The following RBFOX1 variants were observed in gnomAD, a reference collection of about 807,000 sequenced individuals.
RBFOX1 encodes the protein RNA binding fox-1 homolog 1.
RBFOX1 carries 8 observed loss-of-function variants against 57.7 expected under a neutral mutation model. That is an observed-to-expected ratio of 0.14 (90% CI 0.08 to 0.25). The LOEUF (loss-of-function observed/expected upper bound fraction) is 0.25. Among genes scored for constraint, RBFOX1 ranks in the 10% least tolerant of loss-of-function variants. The pLI is 1.00. For missense variants in RBFOX1, 611 were observed against 548.5 expected (o/e 1.11, Z -1.14); for synonymous variants, 326 against 222.4 (o/e 1.47, Z -4.15).
At position 6,195,727 on chromosome 16, in the gene RBFOX1, GA is replaced by G. The variant is rs79692676; in HGVS notation, c.-126-121255del. Among the ~76,000 whole-genome samples, 893 of 124,342 alleles carry G rather than the reference GA, an allele frequency of 7.2e-3. 6 individuals carry two copies. Among genetic ancestry groups the G allele is most frequent in the African/African-American group, 0.02 (690 of 34,292 alleles). The allele number at this position is 124,342 out of a possible 152,430, so 81.6% of individuals were successfully genotyped here. A position where few individuals can be genotyped will look rare whatever the true frequency, so the allele number is the denominator to read the frequency against. On this transcript the variant is annotated intron_variant, in intron 1 of 15. Coordinates refer to ENST00000550418, the MANE Select transcript of RBFOX1 (RefSeq NM_018723.4). ...AGGGAGAAACTCTGTCTTTAAAAAA[GA>G]AAAAAAAAAAAAGGTTTGTAGAATG...
At chr16:6,698,184 A>C (rs933554976) in intron 3 of RBFOX1, among the ~76,000 whole-genome samples, 3 of 152,180 alleles carry the variant, frequency 2.0e-5, no homozygotes, top group African/African-American at 7.2e-5. Flanking sequence ...TTAAAATTTT[A>C]CTTTCCCTCG....
intron 4 of RBFOX1, among the ~76,000 whole-genome samples, chr16:7,266,518 C>G (rs937179331): frequency 6.6e-6 from 1 of 152,166 alleles, no homozygotes; most frequent in Non-Finnish European, 1.5e-5. Flanking sequence ...TTCTTTACAG[C>G]AATGCAAGAA....
chr16:7,101,598 G>C (rs1406177931), intron 4 of RBFOX1, among the ~76,000 whole-genome samples: 3 of 152,098 alleles, frequency 2.0e-5, no homozygotes, highest in Non-Finnish European at 4.4e-5. Flanking sequence ...TCATATGACA[G>C]CTATAAAGAC....
At chr16:6,088,514 C>G (rs1389172252) in intron 1 of RBFOX1, among the ~76,000 whole-genome samples, 1 of 138,700 alleles carries the variant, frequency 7.2e-6, no homozygotes, top group East Asian at 2.3e-4. Context: ...CCTTCCTCCC[C>G]CTTCCCTTTC....
chr16:6,808,405 G>A (rs2154264116), intron 3 of RBFOX1, among the ~76,000 whole-genome samples: 1 of 152,036 alleles, frequency 6.6e-6, no homozygotes, highest in South Asian at 2.1e-4. Context: ...TAAGTGCTAT[G>A]GAAGCAGAGT....
chr16:6,673,325 T>G (rs2098779508), intron 3 of RBFOX1, among the ~76,000 whole-genome samples: 1 of 152,148 alleles, frequency 6.6e-6, no homozygotes, highest in Non-Finnish European at 1.5e-5. Context: ...TGGTGGCTCA[T>G]GCCTGTAATC....
intron 4 of RBFOX1, among the ~76,000 whole-genome samples, chr16:7,349,149 G>C (rs2097079066): frequency 6.6e-6 from 1 of 152,132 alleles, no homozygotes; most frequent in African/African-American, 2.4e-5. Flanking sequence ...CCATCTCCTA[G>C]AGACCCACTG....
At chr16:5,458,798 C>G (rs2068706164) in intron 1 of RBFOX1, among the ~76,000 whole-genome samples, 1 of 152,288 alleles carries the variant, frequency 6.6e-6, no homozygotes, top group East Asian at 1.9e-4. Context: ...ATCCATTCAC[C>G]CTTCCACAGT....
At chr16:5,769,601 C>T (rs1031221201) in intron 3 of RBFOX1, among the ~76,000 whole-genome samples, 7 of 151,984 alleles carry the variant, frequency 4.6e-5, no homozygotes, top group East Asian at 3.9e-4. Context: ...TGCGGTGAGC[C>T]GAGATCATGC....
At chr16:5,348,674 A>G (rs1318661656) in intron 1 of RBFOX1, among the ~76,000 whole-genome samples, 1 of 152,228 alleles carries the variant, frequency 6.6e-6, no homozygotes, top group Non-Finnish European at 1.5e-5. Context: ...TAGGCTCTCA[A>G]TTTATGTGTT....
intron 2 of RBFOX1, among the ~76,000 whole-genome samples, chr16:6,566,361 T>C (rs769653158): frequency 1.5e-4 from 23 of 152,186 alleles, no homozygotes; most frequent in Non-Finnish European, 2.8e-4. Flanking sequence ...TGTGTAGTTA[T>C]AGTATTGTCA....
chr16:6,515,499 C>G (rs1342425502), intron 2 of RBFOX1, among the ~76,000 whole-genome samples: 1 of 152,150 alleles, frequency 6.6e-6, no homozygotes, highest in African/African-American at 2.4e-5. Context: ...TGGGTCATAC[C>G]CAAATGGCCA....
chr16:6,847,991 G>A (rs965546328), intron 3 of RBFOX1, among the ~76,000 whole-genome samples: 1 of 151,872 alleles, frequency 6.6e-6, no homozygotes. Flanking sequence ...CACCATGCCC[G>A]GCTAATTTTT....
chr16:5,300,661 C>G (rs974792706), intron 1 of RBFOX1, among the ~76,000 whole-genome samples: 2 of 152,102 alleles, frequency 1.3e-5, no homozygotes, highest in Non-Finnish European at 2.9e-5. Flanking sequence ...AAAATGTCAA[C>G]TTATGAATTC....
intron 4 of RBFOX1, among the ~76,000 whole-genome samples, chr16:5,876,541 T>C (rs1187172054): frequency 6.6e-6 from 1 of 152,160 alleles, no homozygotes; most frequent in Non-Finnish European, 1.5e-5. Flanking sequence ...TCATCTCTCC[T>C]CCTCTAAATT....
chr16:6,544,621 A>C (rs999413425), intron 2 of RBFOX1, among the ~76,000 whole-genome samples: 19 of 152,190 alleles, frequency 1.2e-4, no homozygotes, highest in African/African-American at 4.6e-4. Flanking sequence ...GGGTGCATAT[A>C]AGAGACTGGA....
At chr16:7,141,580 G>T (rs1340914701) in intron 4 of RBFOX1, among the ~76,000 whole-genome samples, 4 of 152,196 alleles carry the variant, frequency 2.6e-5, no homozygotes, top group South Asian at 2.1e-4. Flanking sequence ...GCCATTTATG[G>T]CTCCCTGTAC....
intron 2 of RBFOX1, among the ~76,000 whole-genome samples, chr16:6,564,059 C>T (rs1435828103): frequency 1.3e-5 from 2 of 152,068 alleles, no homozygotes; most frequent in Non-Finnish European, 2.9e-5. Context: ...CACCCTTCAC[C>T]TCCACCAACC....
At chr16:7,069,653 G>A (rs1659114439) in intron 4 of RBFOX1, among the ~76,000 whole-genome samples, 1 of 152,170 alleles carries the variant, frequency 6.6e-6, no homozygotes, top group African/African-American at 2.4e-5. Flanking sequence ...CTCAACTGAG[G>A]ATAAATGGGG....
Sources: gnomAD v4.1 joint callset for allele counts (sites outside exome capture counted in the v4.1 genomes callset) on GRCh38, gnomAD v4.1.1 for gene constraint, MANE v1.5 for transcripts, NCBI Gene and HGNC (gene_info 2026-07-23, HGNC 2026-07-21) for gene names.